CUBN: variants seen among roughly 807,000 people sequenced by gnomAD.
CUBN encodes 460 kDa receptor.
In CUBN, 282 loss-of-function variants were observed where a neutral mutation model predicts 405.3. The observed-to-expected ratio is 0.70, with a 90% CI of 0.63 to 0.77. The LOEUF is 0.77. Ranked by LOEUF, CUBN falls within the 30% of genes least tolerant of loss-of-function variation. The pLI, the probability that CUBN is intolerant of heterozygous loss-of-function variation, is 0.00. For synonymous variants in CUBN, 1,684 were observed against 1,617.0 expected, an observed-to-expected ratio of 1.04 and a Z score of -0.99; for missense variants, 4,514 against 4,475.2, an observed-to-expected ratio of 1.01 and a Z score of -0.25.
At chr10:16,902,300 G>C (rs1396157410) in intron 51 of CUBN, among the ~76,000 whole-genome samples, 1 of 136,240 alleles carries the variant, frequency 7.3e-6, no homozygotes, top group East Asian at 2.1e-4. Context: ...ATATATTTGT[G>C]TATATATAGT....
intron 59 of CUBN, among the ~76,000 whole-genome samples, chr10:16,852,404 CATCTTTCCCTCCCTCA>C (rs1839741239): frequency 1.4e-5 from 2 of 141,460 alleles, no homozygotes; most frequent in Non-Finnish European, 3.1e-5. Context: ...TCCCTCCCTC[CATCTTTCCCTCCCTCA>C]CTCTATCTTT....
chr10:16,827,051 G>A (rs754135144), intron 66 of CUBN, among the ~76,000 whole-genome samples: 3 of 152,064 alleles, frequency 2.0e-5, no homozygotes, highest in Non-Finnish European at 4.4e-5. Context: ...GTGCATCCCC[G>A]TGATACAGTG....
At position 17,055,620 on chromosome 10, in the gene CUBN, CCAAA is replaced by C. The variant is rs781053190; in HGVS notation, c.3140-8021_3140-8018del. ...AATCCATTTATGTTGCATATATCAG[CCAAA>C]CAACCAGAAAGTAAAATTTTAAAAT... On this transcript the variant is annotated intron_variant, in intron 22 of 66. Transcript: ENST00000377833. Among the ~76,000 whole-genome samples, 11 of 151,934 alleles carry C rather than the reference CCAAA, an allele frequency of 7.2e-5. 1 individual carries two copies. The highest frequency in any genetic ancestry group is 1.3e-4 in the Non-Finnish European group (9 of 67,958).
intron 31 of CUBN, among the ~76,000 whole-genome samples, chr10:16,958,964 C>T (rs1391101242): frequency 6.6e-6 from 1 of 152,178 alleles, no homozygotes; most frequent in Non-Finnish European, 1.5e-5. Context: ...CAAGGTGGTA[C>T]CTTGAATGGT....
chr10:16,910,891 G>C (rs1564418862), intron 48 of CUBN, among the ~76,000 whole-genome samples: 1 of 151,980 alleles, frequency 6.6e-6, no homozygotes, highest in Middle Eastern at 3.4e-3. Flanking sequence ...CATTTCCTTG[G>C]GGAGCCGCAA....
At position 16,921,141 on chromosome 10, in the gene CUBN, T is replaced by A. The variant is rs559228165; in HGVS notation, c.6647-1004A>T. Among the ~76,000 whole-genome samples, 56 of 152,358 alleles carry A rather than the reference T, an allele frequency of 3.7e-4. 6 individuals carry two copies. The South Asian group carries it at 7.0e-3, about 19-fold the overall frequency. On this transcript the variant is annotated intron_variant, in intron 43 of 66. Transcript: ENST00000377833. ...AGCAATTCACCCATTACTTTTCATA[T>A]AAACTACAATGGCTGTTTGGAACTT...
intron 22 of CUBN, 26 bp downstream of exon 22, chr10:17,065,482 C>A: frequency 5.6e-6 from 9 of 1,612,014 alleles, no homozygotes; most frequent in Non-Finnish European, 7.6e-6. Context: ...GTCAATAAAA[C>A]CGAGTATGCA....
intron 59 of CUBN, among the ~76,000 whole-genome samples, chr10:16,856,033 G>C (rs533074785): frequency 2.0e-5 from 3 of 152,252 alleles, no homozygotes; most frequent in African/African-American, 7.2e-5. Context: ...TTGCCACATT[G>C]CTCTTTCTGT....
chr10:16,959,002 G>A (rs986405842), intron 31 of CUBN, among the ~76,000 whole-genome samples: 1 of 152,192 alleles, frequency 6.6e-6, no homozygotes, highest in African/African-American at 2.4e-5. Flanking sequence ...GGAACATCAT[G>A]TCACCAAGTG....
At chr10:17,000,399 C>A (rs1041557757) in intron 28 of CUBN, among the ~76,000 whole-genome samples, 3 of 152,138 alleles carry the variant, frequency 2.0e-5, no homozygotes, top group Non-Finnish European at 4.4e-5. Flanking sequence ...TCAGCTATTT[C>A]GAACTTGTCT....
chr10:16,954,573 CAG>C (rs765397446), intron 31 of CUBN, 25 bp from the exon 32 acceptor site: 8 of 1,611,840 alleles, frequency 5.0e-6, no homozygotes, highest in Non-Finnish European at 6.8e-6. Context: ...ACAGGGCAAA[CAG>C]TGGTTCAGAT....
intron 28 of CUBN, among the ~76,000 whole-genome samples, chr10:17,011,042 T>G (rs1045353573): frequency 6.6e-6 from 1 of 152,196 alleles, no homozygotes; most frequent in African/African-American, 2.4e-5. Context: ...ATGTCTATGC[T>G]TGGTTCCTGG....
intron 58 of CUBN, among the ~76,000 whole-genome samples, chr10:16,873,103 G>A (rs1840406074): frequency 6.6e-6 from 1 of 152,058 alleles, no homozygotes; most frequent in Non-Finnish European, 1.5e-5. Context: ...AAATAGAGGG[G>A]AGGTAGGTAG....
At chr10:16,975,432 C>A (rs1833062223) in intron 31 of CUBN, among the ~76,000 whole-genome samples, 1 of 152,198 alleles carries the variant, frequency 6.6e-6, no homozygotes, top group Non-Finnish European at 1.5e-5. Context: ...CCTAGCCATG[C>A]TGGCATGCTG....
At chr10:16,914,233 C>T (rs1841817354) in intron 47 of CUBN, among the ~76,000 whole-genome samples, 1 of 151,928 alleles carries the variant, frequency 6.6e-6, no homozygotes, top group South Asian at 2.1e-4. Flanking sequence ...TCATCATGGC[C>T]CAAGAAATGA....
chr10:16,987,663 A>G (rs7896674), intron 29 of CUBN, among the ~76,000 whole-genome samples: 36,318 of 152,138 alleles, frequency 0.24, 4,616 homozygotes, highest in East Asian at 0.35. Context: ...GAAAGTCAGC[A>G]AAGTTTTTAG....
At chr10:16,920,221 T>G in intron 43 of CUBN, 84 bp from the exon 44 acceptor site, 50 of 1,275,422 alleles carry the variant, frequency 3.9e-5, no homozygotes, top group Non-Finnish European at 5.1e-5. Flanking sequence ...TAAAGTCGAC[T>G]TCTCTGTATT....
chr10:17,042,931 G>A (rs1835049093), intron 26 of CUBN, among the ~76,000 whole-genome samples: 1 of 152,080 alleles, frequency 6.6e-6, no homozygotes, highest in Non-Finnish European at 1.5e-5. Flanking sequence ...AGATAATTGT[G>A]TAAAATTATG....
At chr10:16,994,244 T>C (rs1489952227) in intron 28 of CUBN, among the ~76,000 whole-genome samples, 2 of 152,018 alleles carry the variant, frequency 1.3e-5, no homozygotes, top group Admixed American at 6.6e-5. Context: ...ATACAAGCAG[T>C]GCTATAGAAG....
Sources: allele counts gnomAD v4.1 joint callset (sites outside exome capture counted in the v4.1 genomes callset), GRCh38; gene constraint gnomAD v4.1.1; transcripts MANE v1.5; gene names NCBI Gene and HGNC (gene_info 2026-07-23, HGNC 2026-07-21).